The following RALYL variants were observed in gnomAD, a reference collection of about 807,000 sequenced individuals.
RALYL encodes the protein RNA-binding Raly-like protein.
In RALYL, 29 loss-of-function variants were observed where a neutral mutation model predicts 35.1. The ratio of observed to expected loss-of-function variants is 0.83; its 90% CI spans 0.61 to 1.13. The LOEUF is 1.13. RALYL is among the 50% of genes most tolerant of loss of function. The pLI, the probability that RALYL is intolerant of heterozygous loss-of-function variation, is 0.00. For synonymous variants in RALYL, 120 were observed against 127.6 expected, an observed-to-expected ratio of 0.94 and a Z score of 0.40; for missense variants, 359 against 360.4, an observed-to-expected ratio of 1.00 and a Z score of 0.03.
At chr8:84,905,869 T>G (rs1342235776) in intron 8 of RALYL, among the ~76,000 whole-genome samples, 1 of 152,116 alleles carries the variant, frequency 6.6e-6, no homozygotes, top group Non-Finnish European at 1.5e-5. Context: ...GTAATACTCC[T>G]GTTTCCTACA....
chr8:84,769,099 A>T (rs1390628031), intron 2 of RALYL, among the ~76,000 whole-genome samples: 1 of 152,236 alleles, frequency 6.6e-6, no homozygotes, highest in Non-Finnish European at 1.5e-5. Context: ...AGAAATATAT[A>T]AAAGATGTCT....
chr8:84,499,228 A>G (rs1471626440), intron 1 of RALYL, among the ~76,000 whole-genome samples: 1 of 152,098 alleles, frequency 6.6e-6, no homozygotes, highest in Non-Finnish European at 1.5e-5. Flanking sequence ...TAATTTTTCA[A>G]CGCTTACCTC....
intron 1 of RALYL, among the ~76,000 whole-genome samples, chr8:84,216,797 C>T (rs1029828779): frequency 4.6e-5 from 7 of 152,106 alleles, no homozygotes; most frequent in Non-Finnish European, 8.8e-5. Context: ...AATCTATTTA[C>T]ATTTAAACAG....
intron 3 of RALYL, among the ~76,000 whole-genome samples, chr8:84,787,343 CT>C (rs915120220): frequency 6.6e-6 from 1 of 152,098 alleles, no homozygotes; most frequent in African/African-American, 2.4e-5. Flanking sequence ...ATGAACTCAT[CT>C]TTTTTATGGC....
rs554558620 is a variant in RALYL, at chr8:84,250,707, T to C, written c.-24+66283T>C. Among the ~76,000 whole-genome samples, 3 of 152,296 alleles carry C rather than the reference T, an allele frequency of 2.0e-5. No individual in the cohort carries two copies. The South Asian group carries it at 6.2e-4, about 32-fold the overall frequency. On this transcript the variant is annotated intron_variant, in intron 1 of 8. Transcript: ENST00000521268. Reference sequence around the variant, plus strand: ...TTATATGCAAAAATTGACGCTGTAGTCAATGCTGGTTTTCCTTAGTATGAA... The same window carrying C: ...TTATATGCAAAAATTGACGCTGTAGCCAATGCTGGTTTTCCTTAGTATGAA...
At chr8:84,570,122 A>T (rs1183922413) in intron 2 of RALYL, among the ~76,000 whole-genome samples, 1 of 151,828 alleles carries the variant, frequency 6.6e-6, no homozygotes, top group African/African-American at 2.4e-5. Context: ...ATTCTGTGAA[A>T]AATGACATTA....
intron 2 of RALYL, among the ~76,000 whole-genome samples, chr8:84,695,931 C>A (rs1839040769): frequency 6.6e-6 from 1 of 151,886 alleles, no homozygotes; most frequent in East Asian, 1.9e-4. Flanking sequence ...AGCACTCATT[C>A]CCTCAGCCTC....
intron 2 of RALYL, among the ~76,000 whole-genome samples, chr8:84,593,142 G>A (rs945740958): frequency 1.3e-5 from 2 of 151,850 alleles, no homozygotes; most frequent in African/African-American, 4.8e-5. Context: ...GTAAGGTAGG[G>A]GTCCAAATTC....
At chr8:84,568,405 T>C (rs1003653645) in intron 2 of RALYL, among the ~76,000 whole-genome samples, 1 of 151,878 alleles carries the variant, frequency 6.6e-6, no homozygotes, top group African/African-American at 2.4e-5. Context: ...CTGCATAGTA[T>C]TCCATGGTGT....
chr8:84,729,331 T>G (rs1845655838), intron 2 of RALYL, among the ~76,000 whole-genome samples: 1 of 152,122 alleles, frequency 6.6e-6, no homozygotes, highest in Non-Finnish European at 1.5e-5. Context: ...TTTTGTATCC[T>G]GAGACTTTGC....
intron 1 of RALYL, among the ~76,000 whole-genome samples, chr8:84,279,964 G>T (rs961360571): frequency 6.6e-5 from 10 of 152,276 alleles, no homozygotes; most frequent in South Asian, 6.2e-4. Context: ...TAGTTGGGCA[G>T]AGTTTTTCAG....
intron 2 of RALYL, among the ~76,000 whole-genome samples, chr8:84,578,572 G>T (rs1810060715): frequency 6.6e-6 from 1 of 152,208 alleles, no homozygotes; most frequent in Admixed American, 6.5e-5. Context: ...GCTCTCAGGA[G>T]ACCTGAAGTG....
chr8:84,250,374 A>T (rs1563609021), intron 1 of RALYL, among the ~76,000 whole-genome samples: 2 of 151,408 alleles, frequency 1.3e-5, no homozygotes, highest in African/African-American at 4.8e-5. Context: ...TTTTATTTTT[A>T]TTTTTTTTGA....
intron 1 of RALYL, among the ~76,000 whole-genome samples, chr8:84,440,410 A>AT (rs1402022712): frequency 2.0e-5 from 3 of 152,058 alleles, no homozygotes; most frequent in African/African-American, 7.2e-5. Context: ...CTTCTGCAAA[A>AT]TGGAGAAAAA....
chr8:84,334,469 A>G (rs1235558039), intron 1 of RALYL, among the ~76,000 whole-genome samples: 1 of 151,538 alleles, frequency 6.6e-6, no homozygotes, highest in African/African-American at 2.4e-5. Flanking sequence ...ATTTCCTAAG[A>G]ACAAGAACAT....
intron 2 of RALYL, among the ~76,000 whole-genome samples, chr8:84,597,329 C>A (rs1388978478): frequency 2.0e-5 from 3 of 152,122 alleles, no homozygotes; most frequent in African/African-American, 7.2e-5. Context: ...CCTAGTCATT[C>A]GCTCCAGAAA....
intron 1 of RALYL, among the ~76,000 whole-genome samples, chr8:84,388,692 GT>G (rs894264219): frequency 4.0e-5 from 6 of 151,378 alleles, no homozygotes; most frequent in African/African-American, 7.3e-5. Context: ...GGGGTTGTTT[GT>G]TTTTTTTCTT....
chr8:84,869,664 A>T (rs527979496), intron 6 of RALYL, among the ~76,000 whole-genome samples: 7 of 152,274 alleles, frequency 4.6e-5, no homozygotes, highest in South Asian at 2.1e-4. Context: ...TAACAAGGAA[A>T]AATGTCTCCA....
chr8:84,788,088 T>C (rs1484168552), intron 3 of RALYL, among the ~76,000 whole-genome samples: 1 of 152,222 alleles, frequency 6.6e-6, no homozygotes, highest in Non-Finnish European at 1.5e-5. Flanking sequence ...CATGCAGTCT[T>C]TGCCCATGTC....
Sources: allele counts gnomAD v4.1 joint callset (sites outside exome capture counted in the v4.1 genomes callset), GRCh38; gene constraint gnomAD v4.1.1; transcripts MANE v1.5; gene names NCBI Gene and HGNC (gene_info 2026-07-23, HGNC 2026-07-21).